The following CHST11 variants were observed in gnomAD, a reference collection of about 807,000 sequenced individuals.
The protein encoded by CHST11 is C4S-1.
In CHST11, 9 loss-of-function variants were observed where a neutral mutation model predicts 30.4. That is an observed-to-expected ratio of 0.30 (90% CI 0.18 to 0.52). CHST11 has a LOEUF of 0.52. Among genes scored for constraint, CHST11 ranks in the 20% least tolerant of loss-of-function variants. The pLI, the probability that CHST11 is intolerant of heterozygous loss-of-function variation, is 0.97. For synonymous variants in CHST11, 152 were observed against 187.8 expected (o/e 0.81, Z 1.56); for missense variants, 348 against 460.6 (o/e 0.76, Z 2.24).
chr12:104,663,657 A>T (rs1191653863), intron 2 of CHST11, among the ~76,000 whole-genome samples: 3 of 152,118 alleles, frequency 2.0e-5, no homozygotes, highest in Admixed American at 6.5e-5. Flanking sequence ...ACCCTAATTT[A>T]AAAAAATCTT....
At chr12:104,557,563 G>A (rs1366452795) in intron 1 of CHST11, among the ~76,000 whole-genome samples, 1 of 152,162 alleles carries the variant, frequency 6.6e-6, no homozygotes, top group African/African-American at 2.4e-5. Context: ...AAGCCCAGAG[G>A]GGAGAGGAGG....
At chr12:104,694,556 T>C (rs1266732106) in intron 2 of CHST11, among the ~76,000 whole-genome samples, 3 of 152,198 alleles carry the variant, frequency 2.0e-5, no homozygotes, top group Admixed American at 2.0e-4. Flanking sequence ...AGCCCCCTGT[T>C]TTGACGCTGC....
At chr12:104,703,965 G>A (rs750316176) in intron 2 of CHST11, among the ~76,000 whole-genome samples, 1 of 152,198 alleles carries the variant, frequency 6.6e-6, no homozygotes, top group Admixed American at 6.5e-5. Context: ...AGTTACGACC[G>A]GGTTCTTGTA....
chr12:104,747,220 C>G (rs545015749), intron 2 of CHST11, among the ~76,000 whole-genome samples: 1 of 152,336 alleles, frequency 6.6e-6, no homozygotes, highest in Non-Finnish European at 1.5e-5. Flanking sequence ...CCGATAACTC[C>G]CGGGTGGGTC....
chr12:104,557,541 G>C (rs2038469510), intron 1 of CHST11, among the ~76,000 whole-genome samples: 2 of 152,246 alleles, frequency 1.3e-5, no homozygotes, highest in East Asian at 3.9e-4. Context: ...CAGGGGAGAG[G>C]AGCAGGGCCT....
intron 2 of CHST11, among the ~76,000 whole-genome samples, chr12:104,734,800 G>C (rs752596415): frequency 5.9e-5 from 9 of 152,198 alleles, no homozygotes; most frequent in Admixed American, 2.0e-4. Flanking sequence ...GTAACAGCAA[G>C]AGAACACAGA....
intron 2 of CHST11, among the ~76,000 whole-genome samples, chr12:104,697,302 T>C (rs1379073126): frequency 1.3e-5 from 2 of 152,108 alleles, no homozygotes; most frequent in African/African-American, 4.8e-5. Context: ...TCTGTGAGGG[T>C]GTTTCTGGAA....
chr12:104,555,938 C>T lies in CHST11; in HGVS notation c.119-45968C>T, dbSNP rs180773503. Among the ~76,000 whole-genome samples the T allele has an allele frequency of 4.7e-3, 721 of 152,220 alleles. 2 individuals carry two copies. Among genetic ancestry groups the T allele is most frequent in the Non-Finnish European group, 8.8e-3 (597 of 68,002 alleles). The stretch of plus-strand genomic sequence containing the variant: ...ATGAGAAAGGAAGGTGTCTGTCCTC[C>T]GGGAAGGAAGGGAGAGGGATTACCA... On this transcript the variant is annotated intron_variant, in intron 1 of 2. Coordinates refer to ENST00000303694, the MANE Select transcript of CHST11 (RefSeq NM_018413.6).
intron 2 of CHST11, among the ~76,000 whole-genome samples, chr12:104,694,922 G>A (rs1425980414): frequency 6.6e-6 from 1 of 152,218 alleles, no homozygotes; most frequent in Non-Finnish European, 1.5e-5. Flanking sequence ...GGGCCCCACA[G>A]AAGTCAGTGG....
intron 2 of CHST11, among the ~76,000 whole-genome samples, chr12:104,656,520 T>C (rs1419974201): frequency 6.6e-6 from 1 of 152,200 alleles, no homozygotes; most frequent in Admixed American, 6.5e-5. Context: ...TGTCATCTCC[T>C]ATGAAGCCAA....
At chr12:104,632,584 G>C (rs2039280954) in intron 2 of CHST11, among the ~76,000 whole-genome samples, 2 of 152,190 alleles carry the variant, frequency 1.3e-5, no homozygotes, top group African/African-American at 2.4e-5. Flanking sequence ...GGTTGGTCTG[G>C]GGGAGGAGGG....
intron 2 of CHST11, among the ~76,000 whole-genome samples, chr12:104,675,252 A>G (rs1385728048): frequency 6.6e-6 from 1 of 152,238 alleles, no homozygotes; most frequent in Non-Finnish European, 1.5e-5. Context: ...TTACCGTTGA[A>G]ATAGATCTCA....
At chr12:104,470,979 G>A (rs371631422) in intron 1 of CHST11, among the ~76,000 whole-genome samples, 47 of 152,184 alleles carry the variant, frequency 3.1e-4, no homozygotes, top group Non-Finnish European at 5.0e-4. Flanking sequence ...TACCCTACAC[G>A]CTATCCCTGG....
In CHST11 at chr12:104,509,562, T is replaced by G. The variant is rs148612011; in HGVS notation, c.118+52033T>G. Among the ~76,000 whole-genome samples the G allele has an allele frequency of 2.8e-3, 432 of 152,292 alleles. 3 individuals carry two copies. The highest frequency in any genetic ancestry group is 9.9e-3 in the African/African-American group (412 of 41,558). On this transcript the variant is annotated intron_variant, in intron 1 of 2. Coordinates refer to ENST00000303694, the MANE Select transcript of CHST11 (RefSeq NM_018413.6). ...ATTTGGCATATAATAGATGCTCAATTTATACCTGTTGAACATTGATAGAGG... is the reference window on the plus strand; with the variant it reads ...ATTTGGCATATAATAGATGCTCAATGTATACCTGTTGAACATTGATAGAGG...
chr12:104,540,097 G>T (rs1015025880), intron 1 of CHST11, among the ~76,000 whole-genome samples: 3 of 152,340 alleles, frequency 2.0e-5, no homozygotes, highest in Admixed American at 6.5e-5. Context: ...GTGTGACTCA[G>T]TGTAGCACTG....
At chr12:104,681,605 T>C (rs1434416631) in intron 2 of CHST11, among the ~76,000 whole-genome samples, 2 of 152,172 alleles carry the variant, frequency 1.3e-5, no homozygotes, top group Non-Finnish European at 2.9e-5. Context: ...AAAAGAGATA[T>C]AGTTTCATTA....
intron 1 of CHST11, among the ~76,000 whole-genome samples, chr12:104,508,371 T>C (rs1184318367): frequency 6.6e-6 from 1 of 152,222 alleles, no homozygotes; most frequent in African/African-American, 2.4e-5. Flanking sequence ...CTTCCTTCTC[T>C]GCCAGGGTTG....
Position 104,698,930 on chromosome 12 carries a change from C to T in CHST11, c.205-58019C>T, listed in dbSNP as rs554988904. 5.9e-5 allele frequency among the ~76,000 whole-genome samples: 9 copies of T among 152,314 alleles called. No individual in the cohort carries two copies. In the South Asian group the frequency reaches 6.2e-4, roughly 11 times the overall value. On this transcript the variant is annotated intron_variant, in intron 2 of 2. Coordinates refer to ENST00000303694, the MANE Select transcript of CHST11 (RefSeq NM_018413.6). ...GATTGAATATTGTCTTTAATTCTGA[C>T]GTAGCTAGTTAAAAACCAAGCTTTT...
At position 104,501,321 on chromosome 12, in the gene CHST11, A is replaced by G. The variant is rs2037852035; in HGVS notation, c.118+43792A>G. On this transcript the variant is annotated intron_variant, in intron 1 of 2. Coordinates refer to ENST00000303694, the MANE Select transcript of CHST11 (RefSeq NM_018413.6). ...AGGTTTCAGAGTGTGTCCTTGATGG[A>G]CACATAGTAGAGCCCTGGGATCCAG... Among the ~76,000 whole-genome samples, 4 of 152,140 alleles carry G rather than the reference A, an allele frequency of 2.6e-5. No individual in the cohort carries two copies. In the South Asian group the frequency reaches 8.3e-4, roughly 32 times the overall value.
Sources: gnomAD v4.1 joint callset for allele counts (sites outside exome capture counted in the v4.1 genomes callset) on GRCh38, gnomAD v4.1.1 for gene constraint, MANE v1.5 for transcripts, NCBI Gene and HGNC (gene_info 2026-07-23, HGNC 2026-07-21) for gene names.